Variants in ZNF106 observed in about 807,000 individuals in gnomAD.
ZNF106 encodes the protein zinc finger protein 106, also known as SH3-domain binding protein 3.
In ZNF106, 67 loss-of-function variants were observed where a neutral mutation model predicts 195.1. That is an observed-to-expected ratio of 0.34 (90% CI 0.28 to 0.42). ZNF106 has a LOEUF of 0.42. Among genes scored for constraint, ZNF106 ranks in the 10% least tolerant of loss-of-function variants. The pLI is 1.00. For synonymous variants in ZNF106, 784 were observed against 818.6 expected, an observed-to-expected ratio of 0.96 and a Z score of 0.72; for missense variants, 2,118 against 2,304.5, an observed-to-expected ratio of 0.92 and a Z score of 1.66.
intron 3 of ZNF106, among the ~76,000 whole-genome samples, chr15:42,461,372 G>A (rs568580307): frequency 6.6e-6 from 1 of 152,322 alleles, no homozygotes; most frequent in East Asian, 1.9e-4. Flanking sequence ...ATTTTCCTTA[G>A]GGCATTTAAA....
In ZNF106 at chr15:42,439,791, T is replaced by C. The variant is rs2055432839; in HGVS notation, c.3786A>G (p.Pro1262=). 22 of 1,565,186 alleles carry C rather than the reference T, an allele frequency of 1.4e-5. No homozygotes were observed. The highest frequency in any genetic ancestry group is 1.9e-5 in the Non-Finnish European group (22 of 1,161,058). The stretch of plus-strand genomic sequence containing the variant: ...ATCTAGCAGTGATGACTGGATAAAC[T>C]GGACAACTGTCACTGATCTCTCCTG... The part of the protein sequence containing the change: ...EANREISDSC[P]VYPVITARLS... Residue 1262 remains proline, a synonymous_variant, in exon 11 of 22, where the codon CCA becomes CCG. Coordinates refer to ENST00000564754, the MANE Select transcript of ZNF106 (RefSeq NM_001366845.3).
rs35057599 is a variant in ZNF106, at chr15:42,479,372, CA to C, written c.-32-7052del. ...CTAGCCTACAAGATCGAAACTGTCT[CA>C]AAAAAAAATTAATAATAATTTTATT... On this transcript the variant is annotated intron_variant, in intron 1 of 21. Transcript: ENST00000564754. 8.2e-3 allele frequency among the ~76,000 whole-genome samples: 1,232 copies of C among 150,392 alleles called. 21 individuals are homozygous for C. Among genetic ancestry groups the C allele is most frequent in the African/African-American group, 0.029 (1,181 of 41,024 alleles).
chr15:42,487,156 A>G (rs576383518), intron 1 of ZNF106, among the ~76,000 whole-genome samples: 245 of 152,068 alleles, frequency 1.6e-3, no homozygotes, highest in Non-Finnish European at 2.9e-3. Context: ...ATCTTTAAAA[A>G]AATAAAATAA....
At chr15:42,489,200 T>G (rs2057084454) in intron 1 of ZNF106, among the ~76,000 whole-genome samples, 1 of 151,472 alleles carries the variant, frequency 6.6e-6, no homozygotes, top group Non-Finnish European at 1.5e-5. Flanking sequence ...TTTAATTTTT[T>G]TTTTTTGAGA....
At position 42,435,503 on chromosome 15, in the gene ZNF106, C is replaced by G; in HGVS notation, c.4762G>C (p.Gly1588Arg). Residue 1588 changes from glycine to arginine, a missense_variant, in exon 14 of 22, where the codon GGT becomes CGT. Coordinates refer to ENST00000564754, the MANE Select transcript of ZNF106 (RefSeq NM_001366845.3). The part of the protein sequence containing the change: ...VYNLVSRKCI[G>R]VFEGHTSKVN... ...TTGGAGGTATGACCCTCAAAGACAC[C>G]AATACATTTCCGACTCTAAAGTTTA... is the stretch of plus-strand genomic sequence containing the variant. The G allele has an allele frequency of 6.2e-7, 1 of 1,614,114 alleles. No individual in the cohort carries two copies. The highest frequency in any genetic ancestry group is 8.5e-7 in the Non-Finnish European group (1 of 1,180,028).
At chr15:42,484,804 C>A (rs2056973587) in intron 1 of ZNF106, among the ~76,000 whole-genome samples, 1 of 152,064 alleles carries the variant, frequency 6.6e-6, no homozygotes, top group African/African-American at 2.4e-5. Context: ...ACTCAATAAT[C>A]TTTCTGAACT....
At position 42,457,189 on chromosome 15, in the gene ZNF106, A is replaced by T. The variant is rs752021287; in HGVS notation, c.117-31T>A. 5 of 1,613,628 alleles carry T rather than the reference A, an allele frequency of 3.1e-6. No individual in the cohort carries two copies. The African/African-American group carries it at 5.3e-5, about 17-fold the overall frequency. On this transcript the variant is annotated intron_variant, in intron 3 of 21. Transcript: ENST00000564754. The stretch of plus-strand genomic sequence containing the variant: ...GAAAGAGGGAGATGAGGGACATTCA[A>T]TTCTCCCCACTGGCATGGCACACTC...
At chr15:42,446,749 A>G (rs1006840049) in intron 6 of ZNF106, 91 bp from the exon 7 acceptor site, 1 of 1,060,678 alleles carries the variant, frequency 9.4e-7, no homozygotes, top group East Asian at 2.6e-5. Context: ...ATAGCCATAC[A>G]CTGTTCTTCA....
intron 1 of ZNF106, among the ~76,000 whole-genome samples, chr15:42,489,290 G>C (rs1040685153): frequency 2.6e-5 from 4 of 151,100 alleles, no homozygotes; most frequent in African/African-American, 9.7e-5. Flanking sequence ...CGATTCTCCT[G>C]CCTCAGCCTC....
At position 42,422,567 on chromosome 15, in the gene ZNF106, C is replaced by T. The variant is rs764869274; in HGVS notation, c.5307G>A (p.Val1769=). ...YKGHNHAVTV[V]NILGKVMVTA... is the part of the protein sequence containing the mutation. ...TCACCATCACTTTTCCTAGGATATT[C>T]ACCACAGTCACTGCATGATTGTGAC... Residue 1769 remains valine, a synonymous_variant, in exon 18 of 22, where the codon GTG becomes GTA. Coordinates refer to ENST00000564754, the MANE Select transcript of ZNF106 (RefSeq NM_001366845.3). The T allele has an allele frequency of 5.6e-6, 9 of 1,613,536 alleles. No individual in the cohort carries two copies. The highest frequency in any genetic ancestry group is 1.7e-5 in the Admixed American group (1 of 59,898).
In ZNF106 at chr15:42,413,805, T is replaced by G. The variant is rs2054350971; in HGVS notation, c.*3499A>C. The G allele has an allele frequency of 6.6e-6, 1 of 152,472 alleles. No individual in the cohort carries two copies. Among genetic ancestry groups the G allele is most frequent in the South Asian group, 2.1e-4 (1 of 4,830 alleles). 9.4% of individuals were successfully genotyped at this position (152,472 alleles called of 1,614,324 possible). On this transcript the variant is annotated 3_prime_UTR_variant, in exon 22 of 22. Transcript: ENST00000564754. ...GGAGTGCAGTAGTAAGTAATGACTT[T>G]CTCTCAGATTCAAGTAACATCAGGT...
intron 1 of ZNF106, among the ~76,000 whole-genome samples, chr15:42,489,847 C>A (rs892710048): frequency 6.6e-6 from 1 of 150,934 alleles, no homozygotes; most frequent in African/African-American, 2.4e-5. Context: ...ACTAGCCTGG[C>A]CAACATGGTG....
At chr15:42,475,393 GA>G (rs1435267080) in intron 1 of ZNF106, among the ~76,000 whole-genome samples, 2 of 152,176 alleles carry the variant, frequency 1.3e-5, no homozygotes, top group East Asian at 3.8e-4. Flanking sequence ...AGTGAGCCGA[GA>G]TGACGCCCCT....
intron 1 of ZNF106, among the ~76,000 whole-genome samples, chr15:42,489,534 G>A (rs537250752): frequency 6.6e-6 from 1 of 152,084 alleles, no homozygotes; most frequent in Non-Finnish European, 1.5e-5. Flanking sequence ...TAATTAAAGG[G>A]CTCCTACTAT....
chr15:42,421,769 TC>T lies in ZNF106; in HGVS notation c.5445+147del, dbSNP rs1376148488. ...ATAGACAATGGAATATTCAACACTGTCCCCTGGTTACTTCCCTATTATGCCA... is the reference window on the plus strand; with the variant it reads ...ATAGACAATGGAATATTCAACACTGTCCCTGGTTACTTCCCTATTATGCCA... On this transcript the variant is annotated intron_variant, in intron 19 of 21. Coordinates refer to ENST00000564754, the MANE Select transcript of ZNF106 (RefSeq NM_001366845.3). 20 of 525,534 alleles carry T rather than the reference TC, an allele frequency of 3.8e-5. No homozygotes were observed. In the Admixed American group the frequency reaches 4.1e-4, roughly 11 times the overall value. 32.6% of individuals were successfully genotyped at this position (525,534 alleles called of 1,614,324 possible). A position where few individuals can be genotyped will look rare whatever the true frequency, so the allele number is the denominator to read the frequency against.
At chr15:42,445,722 C>G (rs2055747233) in intron 7 of ZNF106, among the ~76,000 whole-genome samples, 1 of 152,222 alleles carries the variant, frequency 6.6e-6, no homozygotes. Flanking sequence ...TATGCTCCAT[C>G]TGGTTGGCCC....
At chr15:42,453,830 G>A (rs1404076768) in intron 4 of ZNF106, among the ~76,000 whole-genome samples, 10 of 152,034 alleles carry the variant, frequency 6.6e-5, no homozygotes, top group Non-Finnish European at 2.9e-5. Context: ...TCCTGACCTC[G>A]TGATCCGCCC....
rs1212847274 is a variant in ZNF106 at position 42,451,417 on chromosome 15, T to C, written c.855A>G (p.Leu285=). The change falls in exon 5 of 22, where the codon CTA becomes CTG. Residue 285 remains leucine (L), a synonymous_variant. Transcript: ENST00000564754. ...TTGACTTATTAGATTTCTTGTTCCA[T>C]AGCATAGTCATGTCTTCCATTTGAC... ...SNCQMEDMTM[L]WNKKSNKSNK... 3.1e-6 allele frequency: 5 copies of C among 1,614,136 alleles called. No homozygotes were observed. In the African/African-American group the frequency reaches 4.0e-5, roughly 13 times the overall value.
At chr15:42,449,226 T>A (rs1335334773) in intron 5 of ZNF106, among the ~76,000 whole-genome samples, 1 of 152,200 alleles carries the variant, frequency 6.6e-6, no homozygotes, top group African/African-American at 2.4e-5. Context: ...AACACTGTTT[T>A]AGCATTCAGA....
Sources: gnomAD v4.1 joint callset for allele counts (sites outside exome capture counted in the v4.1 genomes callset) on GRCh38, gnomAD v4.1.1 for gene constraint, MANE v1.5 for transcripts, NCBI Gene and HGNC (gene_info 2026-07-23, HGNC 2026-07-21) for gene names.